CNTN4: variants seen among roughly 807,000 people sequenced by gnomAD.
CNTN4 encodes the protein contactin 4.
A neutral mutation model predicts 122.5 loss-of-function variants in CNTN4; 77 were observed. The ratio of observed to expected loss-of-function variants is 0.63; its 90% CI spans 0.52 to 0.76. The LOEUF is 0.76. Ranked by LOEUF, CNTN4 falls within the 30% of genes least tolerant of loss-of-function variation. The probability of loss-of-function intolerance (pLI) is 0.00; values close to 1 mark genes in which losing one functional copy is unlikely to be tolerated. For synonymous variants in CNTN4, 512 were observed against 447.0 expected (o/e 1.15, Z -1.83); for missense variants, 1,256 against 1,259.1 (o/e 1.00, Z 0.04).
chr3:2,787,030 A>C (rs2091856249), intron 6 of CNTN4, among the ~76,000 whole-genome samples: 4 of 152,184 alleles, frequency 2.6e-5, no homozygotes, highest in African/African-American at 9.7e-5. Context: ...TCATGCTATG[A>C]ACATACAGTT....
At chr3:2,839,121 T>G (rs918491916) in intron 7 of CNTN4, among the ~76,000 whole-genome samples, 2 of 152,206 alleles carry the variant, frequency 1.3e-5, no homozygotes, top group Admixed American at 1.3e-4. Context: ...TTAAGAGATA[T>G]AGTCCTAATT....
At chr3:2,158,224 C>A in intron 2 of CNTN4, among the ~76,000 whole-genome samples, 2 of 152,222 alleles carry the variant, frequency 1.3e-5, no homozygotes, top group South Asian at 4.1e-4. Context: ...AAATGACTTA[C>A]AAAGGGCGAA....
At chr3:2,785,701 A>G (rs1223427489) in intron 6 of CNTN4, among the ~76,000 whole-genome samples, 1 of 152,206 alleles carries the variant, frequency 6.6e-6, no homozygotes, top group African/African-American at 2.4e-5. Context: ...ATTACATTGC[A>G]TAATTTGTGC....
In CNTN4 at chr3:2,410,428, C is replaced by T. The variant is rs73804525; in HGVS notation, c.-89+71195C>T. 3.6e-3 allele frequency among the ~76,000 whole-genome samples: 549 copies of T among 152,320 alleles called. 3 individuals carry two copies. The highest frequency in any genetic ancestry group is 0.012 in the African/African-American group (499 of 41,572). On this transcript the variant is annotated intron_variant, in intron 3 of 24. Coordinates refer to ENST00000418658, the MANE Select transcript of CNTN4 (RefSeq NM_175607.3). ...AAGACAATGGCTTTCTATTCGTCCA[C>T]TTTACCACATCAGGCAGTGGAAATA...
chr3:2,584,357 A>G (rs1437539043), intron 4 of CNTN4, among the ~76,000 whole-genome samples: 1 of 152,064 alleles, frequency 6.6e-6, no homozygotes, highest in African/African-American at 2.4e-5. Context: ...TATTCTTCCA[A>G]GTAGGAGGGT....
intron 12 of CNTN4, among the ~76,000 whole-genome samples, chr3:2,910,314 A>G (rs1321578191): frequency 1.1e-4 from 16 of 152,244 alleles, no homozygotes; most frequent in Admixed American, 1.0e-3. Flanking sequence ...CTAAGGCATC[A>G]CTGAGCATTA....
chr3:3,056,343 T>G lies in CNTN4; in HGVS notation c.*123T>G. The G allele has an allele frequency of 1.3e-6, 1 of 783,900 alleles. No homozygotes were observed. The highest frequency in any genetic ancestry group is 2.0e-5 in the Admixed American group (1 of 49,234). 48.6% of individuals were successfully genotyped at this position (783,900 alleles called of 1,614,324 possible). On this transcript the variant is annotated 3_prime_UTR_variant, in exon 25 of 25. Transcript: ENST00000418658. The stretch of plus-strand genomic sequence containing the variant: ...CATCTTATTACTGGAATAAAAATGT[T>G]TTTTGCTTCTTTAGGAATGGCATTA...
chr3:3,054,547 A>G (rs986963539), intron 24 of CNTN4, among the ~76,000 whole-genome samples: 7 of 152,246 alleles, frequency 4.6e-5, no homozygotes, highest in African/African-American at 1.7e-4. Flanking sequence ...AATACATTCA[A>G]TTCTGTTTTT....
intron 7 of CNTN4, among the ~76,000 whole-genome samples, chr3:2,830,383 C>G (rs910408981): frequency 6.6e-6 from 1 of 152,084 alleles, no homozygotes; most frequent in East Asian, 1.9e-4. Context: ...ACATTAGTAC[C>G]GAAAGGAAAT....
intron 3 of CNTN4, among the ~76,000 whole-genome samples, chr3:2,375,878 A>G (rs529661251): frequency 6.6e-6 from 1 of 152,198 alleles, no homozygotes; most frequent in Non-Finnish European, 1.5e-5. Context: ...CAGATGTTCA[A>G]CTTGCCCCTT....
intron 3 of CNTN4, among the ~76,000 whole-genome samples, chr3:2,506,289 C>T (rs1008622300): frequency 1.3e-5 from 2 of 152,188 alleles, no homozygotes; most frequent in Admixed American, 6.5e-5. Flanking sequence ...CGCCTACACG[C>T]CCTGGAGCCG....
intron 3 of CNTN4, among the ~76,000 whole-genome samples, chr3:2,440,914 A>G (rs1051653420): frequency 3.4e-5 from 5 of 148,492 alleles, no homozygotes; most frequent in African/African-American, 9.8e-5. Context: ...ACAAAAATAT[A>G]TACATATATA....
chr3:2,552,043 T>G (rs2078530375), intron 3 of CNTN4, among the ~76,000 whole-genome samples: 1 of 152,188 alleles, frequency 6.6e-6, no homozygotes, highest in Non-Finnish European at 1.5e-5. Context: ...CTATCCACTC[T>G]GTTAAGGAAA....
intron 7 of CNTN4, among the ~76,000 whole-genome samples, chr3:2,835,934 A>G (rs1244868869): frequency 6.6e-6 from 1 of 152,182 alleles, no homozygotes; most frequent in Non-Finnish European, 1.5e-5. Context: ...AACAGTATAT[A>G]GAGAGACATC....
chr3:2,730,107 G>T (rs1218670066), intron 4 of CNTN4, among the ~76,000 whole-genome samples: 1 of 152,068 alleles, frequency 6.6e-6, no homozygotes, highest in African/African-American at 2.4e-5. Flanking sequence ...GACTGGAGGT[G>T]TTTCAGACTT....
intron 2 of CNTN4, among the ~76,000 whole-genome samples, chr3:2,309,498 T>G (rs1401886082): frequency 2.0e-5 from 3 of 152,132 alleles, no homozygotes; most frequent in Non-Finnish European, 4.4e-5. Context: ...TTCCTACTTG[T>G]TTTTTATATG....
At chr3:2,193,139 A>G (rs1161440828) in intron 2 of CNTN4, among the ~76,000 whole-genome samples, 1 of 152,138 alleles carries the variant, frequency 6.6e-6, no homozygotes, top group Non-Finnish European at 1.5e-5. Flanking sequence ...AAGTTTGTCC[A>G]TAGTTCCATC....
At chr3:2,679,043 T>C (rs137897011) in intron 4 of CNTN4, among the ~76,000 whole-genome samples, 61 of 152,342 alleles carry the variant, frequency 4.0e-4, no homozygotes, top group African/African-American at 1.5e-3. Flanking sequence ...CTGAATGTTC[T>C]GAAAATTAAA....
chr3:3,054,204 GC>G (rs1701555445), intron 24 of CNTN4, among the ~76,000 whole-genome samples: 1 of 152,188 alleles, frequency 6.6e-6, no homozygotes, highest in Non-Finnish European at 1.5e-5. Context: ...TCAGATTAAA[GC>G]AGACCCGAAT....
Sources: gnomAD v4.1 joint callset for allele counts (sites outside exome capture counted in the v4.1 genomes callset) on GRCh38, gnomAD v4.1.1 for gene constraint, MANE v1.5 for transcripts, NCBI Gene and HGNC (gene_info 2026-07-23, HGNC 2026-07-21) for gene names.